CRADD: variants seen among roughly 807,000 people sequenced by gnomAD.
CRADD encodes the protein CARD and death domain containing adaptor protein.
A neutral mutation model predicts 15.5 loss-of-function variants in CRADD; 9 were observed. The observed-to-expected ratio is 0.58, with a 90% CI of 0.35 to 1.01. The LOEUF is 1.01. Ranked by LOEUF, CRADD falls within the 50% of genes least tolerant of loss-of-function variation. The pLI, the probability that CRADD is intolerant of heterozygous loss-of-function variation, is 0.02. For missense variants in CRADD, 227 were observed against 250.3 expected, an observed-to-expected ratio of 0.91 and a Z score of 0.63; for synonymous variants, 118 against 107.6, an observed-to-expected ratio of 1.10 and a Z score of -0.60.
rs200492337 is a variant in CRADD, at chr12:93,693,705, TAAAG to T, written c.298+14637_298+14640del. 9.5e-3 allele frequency among the ~76,000 whole-genome samples: 1,440 copies of T among 152,010 alleles called. 16 individuals are homozygous for T. Among genetic ancestry groups the T allele is most frequent in the African/African-American group, 0.032 (1,343 of 41,498 alleles). ...CAGGTTACCCAGATAAAAAAAGTAA[TAAAG>T]AAACAGTGGATTTAGACTACACTTT... On this transcript the variant is annotated intron_variant, in intron 2 of 2. Coordinates refer to ENST00000332896, the MANE Select transcript of CRADD (RefSeq NM_003805.5).
In CRADD at chr12:93,889,188, G is replaced by A. The variant is rs117467613; in HGVS notation, c.299-4862G>A. Among the ~76,000 whole-genome samples the A allele has an allele frequency of 2.4e-4, 37 of 152,208 alleles. No homozygotes were observed. In the East Asian group the frequency reaches 5.4e-3, roughly 22 times the overall value. On this transcript the variant is annotated intron_variant, in intron 2 of 2. Transcript: ENST00000548483. ...CACTTTTTCCTGGTTTGTGCTTGTC[G>A]GACCATATGCAAGTAATTAAAACAG...
At chr12:93,809,787 G>A (rs1029657035) in intron 2 of CRADD, among the ~76,000 whole-genome samples, 2 of 152,138 alleles carry the variant, frequency 1.3e-5, no homozygotes, top group Admixed American at 6.5e-5. Flanking sequence ...ATGAAAATGT[G>A]AACTAAATCC....
In CRADD at chr12:93,887,751, C is replaced by T. The variant is rs551555816; in HGVS notation, c.299-6299C>T. The stretch of plus-strand genomic sequence containing the variant: ...AGTCACAAAAATAAAATTTACTGAG[C>T]ACATACTACGTGCCTGGCTGTGACT... On this transcript the variant is annotated intron_variant, in intron 2 of 2. Transcript: ENST00000548483. 3.3e-5 allele frequency among the ~76,000 whole-genome samples: 5 copies of T among 152,286 alleles called. No homozygotes were observed. The South Asian group carries it at 1.0e-3, about 32-fold the overall frequency.
intron 2 of CRADD, among the ~76,000 whole-genome samples, chr12:93,866,906 C>G (rs1958371964): frequency 6.6e-6 from 1 of 152,160 alleles, no homozygotes; most frequent in Non-Finnish European, 1.5e-5. Context: ...TGATTGCTGC[C>G]TTCAACTGTG....
chr12:93,893,776 T>C (rs1297669121), intron 2 of CRADD, among the ~76,000 whole-genome samples: 1 of 151,980 alleles, frequency 6.6e-6, no homozygotes, highest in African/African-American at 2.4e-5. Context: ...CGCGGTAGCA[T>C]GTGCCTGTAA....
chr12:93,777,349 C>T, intron 2 of CRADD, among the ~76,000 whole-genome samples: 1 of 152,208 alleles, frequency 6.6e-6, no homozygotes, highest in East Asian at 1.9e-4. Context: ...GAATTTCTTA[C>T]TCGTTGTTCT....
chr12:93,886,287 A>T (rs115381495), intron 2 of CRADD, among the ~76,000 whole-genome samples: 2,280 of 151,314 alleles, frequency 0.015, 52 homozygotes, highest in African/African-American at 0.053. Flanking sequence ...CAGTCTCCCA[A>T]ATAGCTAGGA....
At chr12:93,741,381 A>G (rs1182349158) in intron 2 of CRADD, among the ~76,000 whole-genome samples, 1 of 152,370 alleles carries the variant, frequency 6.6e-6, no homozygotes, top group South Asian at 2.1e-4. Flanking sequence ...GTTTACTAGA[A>G]AGCATGACAC....
intron 2 of CRADD, among the ~76,000 whole-genome samples, chr12:93,857,316 G>A (rs553210879): frequency 4.6e-4 from 70 of 152,156 alleles, no homozygotes; most frequent in Non-Finnish European, 8.1e-4. Context: ...TTCTGGTGAC[G>A]TATAACCTCC....
intron 2 of CRADD, among the ~76,000 whole-genome samples, chr12:93,847,237 G>A (rs1958135689): frequency 1.3e-5 from 2 of 151,882 alleles, no homozygotes; most frequent in South Asian, 2.1e-4. Context: ...TGACTAAGTT[G>A]GTATCAGAAT....
intron 2 of CRADD, among the ~76,000 whole-genome samples, chr12:93,784,423 A>G (rs1288456752): frequency 6.6e-6 from 1 of 151,994 alleles, no homozygotes; most frequent in Non-Finnish European, 1.5e-5. Flanking sequence ...CCAAGGTTGC[A>G]CGGTTAATAA....
At chr12:93,800,567 T>C (rs528443742) in intron 2 of CRADD, among the ~76,000 whole-genome samples, 5 of 152,250 alleles carry the variant, frequency 3.3e-5, no homozygotes, top group Non-Finnish European at 7.4e-5. Context: ...TTTAAAAGTA[T>C]GGCACTTACT....
intron 2 of CRADD, among the ~76,000 whole-genome samples, chr12:93,811,589 C>T (rs1038382548): frequency 3.3e-5 from 5 of 152,186 alleles, no homozygotes; most frequent in East Asian, 1.9e-4. Context: ...TTTGAGACGT[C>T]GGGCAAGTGA....
intron 2 of CRADD, among the ~76,000 whole-genome samples, chr12:93,689,460 G>GA (rs1049782187): frequency 5.3e-5 from 8 of 151,804 alleles, no homozygotes; most frequent in African/African-American, 1.7e-4. Context: ...CTAAAAAAAA[G>GA]AAAAAAAGGT....
rs543954428 is a variant in CRADD, at chr12:93,889,492, TCA to T, written c.299-4557_299-4556del. Among the ~76,000 whole-genome samples the T allele has an allele frequency of 1.6e-4, 25 of 152,290 alleles. No homozygotes were observed. The East Asian group carries it at 2.9e-3, about 18-fold the overall frequency. ...AAAGGGGGCATCTTTTCTACCAGGC[TCA>T]GTGGCTTTTAGCCTCTGCCATCCTC... On this transcript the variant is annotated intron_variant, in intron 2 of 2. Coordinates refer to the CRADD transcript ENST00000548483.
chr12:93,782,213 A>G (rs567219727), intron 2 of CRADD, among the ~76,000 whole-genome samples: 1 of 152,068 alleles, frequency 6.6e-6, no homozygotes, highest in Non-Finnish European at 1.5e-5. Context: ...GAAACTGGAA[A>G]CCAGCATTCT....
chr12:93,786,962 G>C (rs577639984), intron 2 of CRADD, among the ~76,000 whole-genome samples: 184 of 152,244 alleles, frequency 1.2e-3, no homozygotes, highest in African/African-American at 4.2e-3. Context: ...TTGCCTACAA[G>C]TATGTTTCGG....
downstream of CRADD, among the ~76,000 whole-genome samples, chr12:93,852,896 T>C (rs1212391584): frequency 6.6e-6 from 1 of 152,086 alleles, no homozygotes; most frequent in Non-Finnish European, 1.5e-5. Flanking sequence ...GCCCTTCATG[T>C]TTTTAAAACT....
chr12:93,810,197 G>A (rs1957606178), intron 2 of CRADD, among the ~76,000 whole-genome samples: 1 of 152,120 alleles, frequency 6.6e-6, no homozygotes, highest in African/African-American at 2.4e-5. Context: ...CGTGACTAAT[G>A]TAGCTGGAAT....
Sources: allele counts gnomAD v4.1 joint callset (sites outside exome capture counted in the v4.1 genomes callset), GRCh38; gene constraint gnomAD v4.1.1; transcripts MANE v1.5; gene names NCBI Gene and HGNC (gene_info 2026-07-23, HGNC 2026-07-21).